PTPRM: variants seen among roughly 807,000 people sequenced by gnomAD.
PTPRM encodes receptor-type tyrosine-protein phosphatase mu.
A neutral mutation model predicts 186.7 loss-of-function variants in PTPRM; 47 were observed. The ratio of observed to expected loss-of-function variants is 0.25; its 90% confidence interval spans 0.20 to 0.32. The LOEUF (loss-of-function observed/expected upper bound fraction) is 0.32, where lower values mean the gene tolerates loss of function less well. PTPRM is among the 10% of genes least tolerant of loss of function. The pLI, the probability that PTPRM is intolerant of heterozygous loss-of-function variation, is 1.00. For missense variants in PTPRM, 1,494 were observed against 1,865.0 expected, an observed-to-expected ratio of 0.80 and a Z score of 3.66; for synonymous variants, 668 against 674.9, an observed-to-expected ratio of 0.99 and a Z score of 0.16.
intron 7 of PTPRM, among the ~76,000 whole-genome samples, chr18:7,985,655 T>A (rs1018247931): frequency 3.3e-5 from 5 of 149,298 alleles, no homozygotes; most frequent in African/African-American, 1.2e-4. Flanking sequence ...ATGGGGTAAA[T>A]ATATATATAT....
At chr18:7,679,428 G>A (rs1371201886) in intron 1 of PTPRM, among the ~76,000 whole-genome samples, 1 of 151,982 alleles carries the variant, frequency 6.6e-6, no homozygotes, top group Non-Finnish European at 1.5e-5. Context: ...ACTTTGGGAG[G>A]CCGAGGCAAG....
chr18:8,389,620 C>G (rs1194682072), intron 31 of PTPRM, among the ~76,000 whole-genome samples: 5 of 152,224 alleles, frequency 3.3e-5, no homozygotes, highest in Non-Finnish European at 7.3e-5. Context: ...GTCTCTTGCT[C>G]TCTTAGCATC....
chr18:7,580,533 A>G (rs551924232), intron 1 of PTPRM, among the ~76,000 whole-genome samples: 22 of 152,340 alleles, frequency 1.4e-4, no homozygotes, highest in African/African-American at 4.3e-4. Context: ...CTTCTTAAAT[A>G]TTGATAATAT....
At chr18:7,839,858 C>T (rs540597983) in intron 2 of PTPRM, among the ~76,000 whole-genome samples, 3 of 152,064 alleles carry the variant, frequency 2.0e-5, no homozygotes, top group East Asian at 1.9e-4. Flanking sequence ...AGTTCAAGTT[C>T]GGACTGTTGG....
At chr18:7,866,215 T>G (rs1308478277) in intron 2 of PTPRM, among the ~76,000 whole-genome samples, 11 of 152,220 alleles carry the variant, frequency 7.2e-5, no homozygotes, top group Admixed American at 7.2e-4. Flanking sequence ...TAGTTATTTC[T>G]TGACTTCTGC....
intron 23 of PTPRM, among the ~76,000 whole-genome samples, chr18:8,364,571 C>G (rs1310334351): frequency 6.6e-6 from 1 of 152,186 alleles, no homozygotes; most frequent in Admixed American, 6.5e-5. Flanking sequence ...TGGCTGGGCT[C>G]TATGTGGTAG....
intron 1 of PTPRM, among the ~76,000 whole-genome samples, chr18:7,641,942 T>C (rs1320345230): frequency 6.6e-6 from 1 of 152,194 alleles, no homozygotes; most frequent in Non-Finnish European, 1.5e-5. Flanking sequence ...TCAGAATGTG[T>C]GCTCTTGAGG....
chr18:8,383,467 CCTGA>C (rs748935973), intron 29 of PTPRM, among the ~76,000 whole-genome samples: 22 of 152,210 alleles, frequency 1.4e-4, no homozygotes, highest in Admixed American at 1.3e-4. Context: ...GTTCTTCCTT[CCTGA>C]CTATTTCCAA....
intron 17 of PTPRM, among the ~76,000 whole-genome samples, chr18:8,251,361 G>A (rs1250367465): frequency 6.6e-6 from 1 of 152,310 alleles, no homozygotes; most frequent in East Asian, 1.9e-4. Context: ...ATTTATTTTA[G>A]TATAAAGAAC....
Position 7,955,346 on chromosome 18 carries a change from T to A in PTPRM, c.1064T>A (p.Leu355Gln). Residue 355 changes from leucine (L) to glutamine (Q), a missense_variant, in exon 7 of 33, where the codon CTG (leucine) becomes CAG (glutamine). By Grantham distance (113) the Leu-to-Gln change is moderately radical. Coordinates refer to ENST00000580170, the MANE Select transcript of PTPRM (RefSeq NM_001105244.2). ...PDTEYEISVL[L>Q]TRPGEGGTGS... ...ACAGAATATGAGATTAGTGTGCTCC[T>A]GACCAGGCCAGGGGAGGGTGGCACT... is the stretch of plus-strand genomic sequence containing the variant. The A allele has an allele frequency of 1.2e-6, 2 of 1,614,180 alleles. No individual in the cohort carries two copies. The highest frequency in any genetic ancestry group is 2.2e-5 in the South Asian group (2 of 91,076).
chr18:8,120,281 A>G (rs1197702989), intron 13 of PTPRM, among the ~76,000 whole-genome samples: 2 of 152,216 alleles, frequency 1.3e-5, no homozygotes, highest in African/African-American at 4.8e-5. Flanking sequence ...TTTACAAAGC[A>G]GAACATAGAG....
rs141348527 is a variant in PTPRM at position 7,933,187 on chromosome 18, C to A, written c.663+6504C>A. Among the ~76,000 whole-genome samples, 14 of 152,224 alleles carry A rather than the reference C, an allele frequency of 9.2e-5. No individual in the cohort carries two copies. The East Asian group carries it at 2.7e-3, about 29-fold the overall frequency. On this transcript the variant is annotated intron_variant, in intron 5 of 32. Coordinates refer to ENST00000580170, the MANE Select transcript of PTPRM (RefSeq NM_001105244.2). ...ACTTTACTTAACCATTGCCCCAAAGCACAGGAGTAGTGATGATGGCAATTT... is the reference window on the plus strand; with the variant it reads ...ACTTTACTTAACCATTGCCCCAAAGAACAGGAGTAGTGATGATGGCAATTT...
At chr18:7,831,776 C>T (rs2045775140) in intron 2 of PTPRM, among the ~76,000 whole-genome samples, 1 of 152,154 alleles carries the variant, frequency 6.6e-6, no homozygotes, top group African/African-American at 2.4e-5. Flanking sequence ...CCTAACCCCG[C>T]ATTACCCTTC....
At chr18:8,350,672 T>C (rs2095529723) in intron 23 of PTPRM, among the ~76,000 whole-genome samples, 2 of 152,228 alleles carry the variant, frequency 1.3e-5, no homozygotes, top group African/African-American at 4.8e-5. Context: ...CCTTCAGTGA[T>C]TCCTGTCGAA....
chr18:7,791,829 T>C (rs1160355571), intron 2 of PTPRM, among the ~76,000 whole-genome samples: 2 of 152,164 alleles, frequency 1.3e-5, no homozygotes, highest in Non-Finnish European at 2.9e-5. Context: ...TTGACTAAAA[T>C]AATGTTTTGA....
At chr18:7,603,922 C>CG (rs776841376) in intron 1 of PTPRM, among the ~76,000 whole-genome samples, 5 of 152,182 alleles carry the variant, frequency 3.3e-5, no homozygotes, top group Non-Finnish European at 7.3e-5. Flanking sequence ...ATAGTAACAT[C>CG]GGGGGCTTGT....
chr18:7,651,348 A>G (rs1189810763), intron 1 of PTPRM, among the ~76,000 whole-genome samples: 1 of 152,122 alleles, frequency 6.6e-6, no homozygotes, highest in Non-Finnish European at 1.5e-5. Context: ...TCTTCAAAAA[A>G]CACCCTTAAG....
intron 2 of PTPRM, among the ~76,000 whole-genome samples, chr18:7,866,925 C>T (rs2047734075): frequency 6.6e-6 from 1 of 152,082 alleles, no homozygotes; most frequent in Non-Finnish European, 1.5e-5. Context: ...TGCATTGATC[C>T]CTTTATCATT....
At chr18:7,725,991 G>T (rs967641274) in intron 1 of PTPRM, among the ~76,000 whole-genome samples, 14 of 152,130 alleles carry the variant, frequency 9.2e-5, no homozygotes, top group African/African-American at 3.4e-4. Flanking sequence ...CGGATCACGG[G>T]CACTGTACCC....
Sources: allele counts gnomAD v4.1 joint callset (sites outside exome capture counted in the v4.1 genomes callset), GRCh38; gene constraint gnomAD v4.1.1; transcripts MANE v1.5; gene names NCBI Gene and HGNC (gene_info 2026-07-23, HGNC 2026-07-21).